BST1: variants seen among roughly 807,000 people sequenced by gnomAD.
BST1 encodes the protein bone marrow stromal cell antigen 1.
BST1 carries 49 observed loss-of-function variants against 40.6 expected under a neutral mutation model. The observed-to-expected ratio is 1.21, with a 90% CI of 0.96 to 1.53. The LOEUF is 1.53. BST1 is among the 40% of genes most tolerant of loss of function. BST1 has a pLI of 0.00. For synonymous variants in BST1, 157 were observed against 159.3 expected (o/e 0.99, Z 0.11); for missense variants, 423 against 395.9 (o/e 1.07, Z -0.58).
At chr4:15,756,445 C>T in the BST1 span, among the ~76,000 whole-genome samples, 807 of 152,196 alleles carry the variant, frequency 5.3e-3, 6 homozygotes, top group African/African-American at 0.018. Context: ...TTTGAAAAAA[C>T]GTTGAATTTA....
At chr4:15,761,188 G>T in the BST1 span, among the ~76,000 whole-genome samples, 1 of 151,844 alleles carries the variant, frequency 6.6e-6, no homozygotes, top group African/African-American at 2.4e-5. Context: ...GGGATTACAG[G>T]CATGTTCCAC....
chr4:15,719,748 C>G (rs1045173162), intron 7 of BST1, among the ~76,000 whole-genome samples: 1 of 152,192 alleles, frequency 6.6e-6, no homozygotes, highest in African/African-American at 2.4e-5. Context: ...TCCTGCTTCT[C>G]TGCCACTCTC....
chr4:15,759,797 TC>T, the BST1 span, among the ~76,000 whole-genome samples: 1 of 151,804 alleles, frequency 6.6e-6, no homozygotes, highest in South Asian at 2.1e-4. Context: ...CTCCTTTACT[TC>T]CCCCCTCCAC....
At chr4:15,757,493 G>A in the BST1 span, among the ~76,000 whole-genome samples, 33 of 151,616 alleles carry the variant, frequency 2.2e-4, no homozygotes, top group Non-Finnish European at 4.1e-4. Context: ...GAGGACAAAA[G>A]CACACCCCCA....
At chr4:15,713,206 C>CTTTTTT (rs34681185) in intron 4 of BST1, among the ~76,000 whole-genome samples, 5 of 114,742 alleles carry the variant, frequency 4.4e-5, no homozygotes, top group African/African-American at 9.9e-5. Flanking sequence ...ATATTTTCAT[C>CTTTTTT]TTTTTTTTTT....
At chr4:15,731,652 A>G in intron 8 of BST1, 88 bp from the exon 9 acceptor site, 9 of 1,487,836 alleles carry the variant, frequency 6.0e-6, no homozygotes, top group Non-Finnish European at 8.3e-6. Context: ...CGCTAACCAG[A>G]AAAGAGACTA....
chr4:15,735,866 C>T (rs901555275), downstream of BST1, among the ~76,000 whole-genome samples: 1 of 152,004 alleles, frequency 6.6e-6, no homozygotes, highest in Non-Finnish European at 1.5e-5. Flanking sequence ...AAAAATAAGG[C>T]TTTATTTTTA....
At chr4:15,769,203 T>C in the BST1 span, among the ~76,000 whole-genome samples, 41 of 152,370 alleles carry the variant, frequency 2.7e-4, no homozygotes, top group Non-Finnish European at 5.6e-4. Flanking sequence ...GTGAATCCGA[T>C]GAAGACCTTG....
chr4:15,727,332 T>A (rs1721167999), intron 8 of BST1, among the ~76,000 whole-genome samples: 1 of 152,192 alleles, frequency 6.6e-6, no homozygotes, highest in African/African-American at 2.4e-5. Flanking sequence ...TGACTGTTGG[T>A]AGACATTTTT....
intron 8 of BST1, among the ~76,000 whole-genome samples, chr4:15,725,685 T>A (rs1284764291): frequency 6.6e-6 from 1 of 152,200 alleles, no homozygotes; most frequent in Non-Finnish European, 1.5e-5. Context: ...TAAGATATCA[T>A]ATGCTTTCCT....
In BST1 at chr4:15,703,089, A is replaced by G; in HGVS notation, c.-56A>G. ...CATCAGTTTGCGGAACCGCCTTGGT[A>G]GAAGGAGAGAAGGGGAGTGGAGGAA... On this transcript the variant is annotated 5_prime_UTR_variant, in exon 1 of 9. Coordinates refer to ENST00000265016, the MANE Select transcript of BST1 (RefSeq NM_004334.3). 4 of 1,508,992 alleles carry G rather than the reference A, an allele frequency of 2.7e-6. No homozygotes were observed. Among genetic ancestry groups the G allele is most frequent in the Non-Finnish European group, 2.6e-6 (3 of 1,137,340 alleles). The allele number at this position is 1,508,992 out of a possible 1,614,324, so 93.5% of individuals were successfully genotyped here.
intron 8 of BST1, chr4:15,731,331 A>T: frequency 2.0e-6 from 1 of 500,538 alleles, no homozygotes; most frequent in Non-Finnish European, 3.6e-6. Context: ...TTTCTTGACC[A>T]GTTTCTTATT....
At chr4:15,731,502 G>C (rs751015460) in intron 8 of BST1, 4 of 1,023,846 alleles carry the variant, frequency 3.9e-6, no homozygotes, top group African/African-American at 1.6e-5. Context: ...CTTCTGGGGA[G>C]TCATAGTTCT....
the BST1 span, among the ~76,000 whole-genome samples, chr4:15,745,233 CAT>C: frequency 6.6e-6 from 1 of 152,022 alleles, no homozygotes; most frequent in Admixed American, 6.6e-5. Context: ...TTTACTGTAT[CAT>C]ATAAAATTAC....
At chr4:15,721,348 T>C (rs188792912) in intron 7 of BST1, among the ~76,000 whole-genome samples, 2 of 152,338 alleles carry the variant, frequency 1.3e-5, no homozygotes, top group Non-Finnish European at 2.9e-5. Context: ...CTGGTTGGTT[T>C]CTGCCAGTAC....
chr4:15,740,780 C>A (rs972579693), downstream of BST1, among the ~76,000 whole-genome samples: 4 of 152,098 alleles, frequency 2.6e-5, no homozygotes, highest in Non-Finnish European at 5.9e-5. Context: ...ACAAGCCAAA[C>A]TATCCGTCTG....
At chr4:15,707,082 A>T (rs1228474853) in intron 2 of BST1, among the ~76,000 whole-genome samples, 1 of 152,208 alleles carries the variant, frequency 6.6e-6, no homozygotes, top group Non-Finnish European at 1.5e-5. Context: ...ACTGCTTATT[A>T]TCCTGGCCAC....
chr4:15,747,236 C>G, the BST1 span, among the ~76,000 whole-genome samples: 1 of 152,172 alleles, frequency 6.6e-6, no homozygotes, highest in Non-Finnish European at 1.5e-5. Flanking sequence ...CAAGCAATAT[C>G]CTTATCAACT....
At chr4:15,703,578 G>A (rs1193248713) in intron 1 of BST1, among the ~76,000 whole-genome samples, 1 of 142,688 alleles carries the variant, frequency 7.0e-6, no homozygotes, top group African/African-American at 2.6e-5. Flanking sequence ...GTGTGTGCGC[G>A]CACACACACA....
Sources: allele counts gnomAD v4.1 joint callset (sites outside exome capture counted in the v4.1 genomes callset), GRCh38; gene constraint gnomAD v4.1.1; transcripts MANE v1.5; gene names NCBI Gene and HGNC (gene_info 2026-07-23, HGNC 2026-07-21).